Variants in ZC3H4 observed in about 807,000 individuals in gnomAD.
ZC3H4 encodes the protein zinc finger CCCH-type containing 4, also known as zinc finger CCCH domain-containing protein 4.
A neutral mutation model predicts 108.3 loss-of-function variants in ZC3H4; 13 were observed. The observed-to-expected ratio is 0.12, with a 90% CI of 0.08 to 0.19. The LOEUF is 0.19. ZC3H4 is among the 10% of genes least tolerant of loss of function. The pLI is 1.00. For missense variants in ZC3H4, 1,734 were observed against 1,838.8 expected (o/e 0.94, Z 1.04); for synonymous variants, 917 against 749.6 (o/e 1.22, Z -3.65).
At chr19:47,107,037 G>A (rs1233585643) in intron 2 of ZC3H4, among the ~76,000 whole-genome samples, 1 of 152,136 alleles carries the variant, frequency 6.6e-6, no homozygotes, top group Non-Finnish European at 1.5e-5. Flanking sequence ...TGCAAAAGAT[G>A]AACACAGGAG....
chr19:47,111,283 C>G (rs1431133395), intron 2 of ZC3H4, among the ~76,000 whole-genome samples: 1 of 152,218 alleles, frequency 6.6e-6, no homozygotes, highest in Non-Finnish European at 1.5e-5. Flanking sequence ...GGGAAGGAAA[C>G]GGGGCCCCAA....
intron 6 of ZC3H4, 101 bp from the exon 7 acceptor site, chr19:47,085,515 A>G: frequency 1.8e-6 from 2 of 1,083,208 alleles, no homozygotes; most frequent in South Asian, 1.6e-5. Context: ...GTGACCATCC[A>G]GGGGACTCAT....
intron 14 of ZC3H4, among the ~76,000 whole-genome samples, chr19:47,068,683 T>C (rs2057265962): frequency 6.6e-6 from 1 of 152,186 alleles, no homozygotes; most frequent in African/African-American, 2.4e-5. Flanking sequence ...TGAGACTCGG[T>C]GGCTCGTGAC....
chr19:47,110,399 T>C (rs2058022798), intron 2 of ZC3H4, among the ~76,000 whole-genome samples: 1 of 152,184 alleles, frequency 6.6e-6, no homozygotes, highest in African/African-American at 2.4e-5. Context: ...TTTACATCGA[T>C]TTTTGTCATG....
At chr19:47,068,992 T>C (rs906346431) in intron 14 of ZC3H4, 100 bp downstream of exon 14, 4 of 1,571,332 alleles carry the variant, frequency 2.5e-6, no homozygotes, top group Admixed American at 3.5e-5. Context: ...AGCCATGGGC[T>C]CCTTCCTGAC....
At chr19:47,089,121 G>A (rs2057684681) in intron 5 of ZC3H4, among the ~76,000 whole-genome samples, 1 of 146,932 alleles carries the variant, frequency 6.8e-6, no homozygotes, top group South Asian at 2.2e-4. Flanking sequence ...CAGAAGAATT[G>A]CTTGAACCCG....
intron 2 of ZC3H4, among the ~76,000 whole-genome samples, chr19:47,104,454 G>GC (rs1284674228): frequency 6.6e-6 from 1 of 152,162 alleles, no homozygotes; most frequent in Non-Finnish European, 1.5e-5. Context: ...CCAGCACAGG[G>GC]CCAGGTACAG....
chr19:47,073,803 G>A (rs982621978), intron 11 of ZC3H4, among the ~76,000 whole-genome samples: 2 of 152,202 alleles, frequency 1.3e-5, no homozygotes, highest in Non-Finnish European at 2.9e-5. Context: ...AGACTCATGC[G>A]CTGTGTGCGA....
At chr19:47,110,355 G>C in intron 2 of ZC3H4, among the ~76,000 whole-genome samples, 1 of 152,184 alleles carries the variant, frequency 6.6e-6, no homozygotes. Flanking sequence ...GAAATGGAAA[G>C]AAGGATGCCA....
At chr19:47,107,077 T>G (rs1369168821) in intron 2 of ZC3H4, among the ~76,000 whole-genome samples, 1 of 152,176 alleles carries the variant, frequency 6.6e-6, no homozygotes, top group Admixed American at 6.5e-5. Context: ...CCAGACAGTA[T>G]GACCATTTGA....
At chr19:47,079,546 G>C (rs542718204) in intron 11 of ZC3H4, among the ~76,000 whole-genome samples, 9 of 151,242 alleles carry the variant, frequency 6.0e-5, no homozygotes, top group African/African-American at 2.2e-4. Context: ...CGTGAGGCCT[G>C]ACTGGCCACT....
chr19:47,103,231 C>T (rs2057925391), intron 2 of ZC3H4, among the ~76,000 whole-genome samples: 1 of 152,122 alleles, frequency 6.6e-6, no homozygotes, highest in Non-Finnish European at 1.5e-5. Flanking sequence ...ATCAGAGGAC[C>T]GATTTCTATC....
chr19:47,110,662 AC>A (rs900646776), intron 2 of ZC3H4, among the ~76,000 whole-genome samples: 1 of 151,928 alleles, frequency 6.6e-6, no homozygotes, highest in East Asian at 1.9e-4. Flanking sequence ...TGTAAGACAT[AC>A]ACTTCTGACA....
intron 13 of ZC3H4, among the ~76,000 whole-genome samples, 188 bp downstream of exon 13, chr19:47,071,584 TACACAG>T: frequency 6.6e-6 from 1 of 152,242 alleles, no homozygotes; most frequent in African/African-American, 2.4e-5. Context: ...ATATTGGTAA[TACACAG>T]AATACTCCTT....
At position 47,066,927 on chromosome 19, in the gene ZC3H4, G is replaced by A. The variant is rs948175941; in HGVS notation, c.3341C>T (p.Ser1114Phe). 6.3e-7 allele frequency: 1 copy of A among 1,596,650 alleles called. No homozygotes were observed. Among genetic ancestry groups the A allele is most frequent in the Non-Finnish European group, 8.5e-7 (1 of 1,174,964 alleles). The part of the protein sequence containing the change: ...SPTASPSGDA[S>F]PPATAPYDPR... ...GTCGTAGGGAGCGGTGGCTGGTGGG[G>A]AGGCATCCCCACTCGGGCTGGCGGT... The change falls in exon 15 of 15, where the codon TCC (serine) becomes TTC (phenylalanine). Residue 1114 changes from serine to phenylalanine, a missense_variant. Around this residue, in one of 9 missense-constraint regions of ZC3H4, gnomAD observed 518 missense variants for 499.6 expected, o/e 1.04. Transcript: ENST00000253048.
At chr19:47,075,615 C>CACACAT (rs2057405856) in intron 11 of ZC3H4, among the ~76,000 whole-genome samples, 1 of 152,074 alleles carries the variant, frequency 6.6e-6, no homozygotes, top group Admixed American at 6.5e-5. Flanking sequence ...TGTGCGCACA[C>CACACAT]ACACATACAC....
chr19:47,112,428 C>T lies in ZC3H4; in HGVS notation c.157G>A (p.Asp53Asn). 13 of 1,235,074 alleles carry T rather than the reference C, an allele frequency of 1.1e-5. No homozygotes were observed. Among genetic ancestry groups the T allele is most frequent in the Non-Finnish European group, 1.3e-5 (13 of 987,534 alleles). The allele number at this position is 1,235,074 out of a possible 1,614,324, so 76.5% of individuals were successfully genotyped here. A position where few individuals can be genotyped will look rare whatever the true frequency, so the allele number is the denominator to read the frequency against. Residue 53 changes from aspartate to asparagine, a missense_variant, in exon 2 of 15, where the codon GAC (aspartate) becomes AAC (asparagine). Around this residue, in one of 9 missense-constraint regions of ZC3H4, gnomAD observed 112 missense variants for 73.3 expected, o/e 1.53. Transcript: ENST00000253048. ...CGGCCCAACCGGGGGCCTGACCTGT[C>T]GTCAGGGAGCGGGAGGCGGTGGTGG... ...LLHHRLPLPD[D>N]REDGELEEGE...
In ZC3H4 at chr19:47,086,421, G is replaced by A. The variant is rs774625378; in HGVS notation, c.833C>T (p.Pro278Leu). The change falls in exon 6 of 15, where the codon CCG (proline) becomes CTG (leucine). Residue 278 changes from proline (P) to leucine (L), a missense_variant. Pro to Leu is a moderately conservative substitution (Grantham distance 98). Around this residue, in one of 9 missense-constraint regions of ZC3H4, gnomAD observed 403 missense variants for 457.0 expected, o/e 0.88. Coordinates refer to ENST00000253048, the MANE Select transcript of ZC3H4 (RefSeq NM_015168.2). ...CTCGTAGAAATCCTCTTCATCCTCCGGGTGGTCTCCTCCCATAGAGCCTCT... is the reference window on the plus strand; with the variant it reads ...CTCGTAGAAATCCTCTTCATCCTCCAGGTGGTCTCCTCCCATAGAGCCTCT... ...RGRGSMGGDH[P>L]EDEEDFYEEE... 51 of 1,613,216 alleles carry A rather than the reference G, an allele frequency of 3.2e-5. 1 individual carries two copies. In the Middle Eastern group the frequency reaches 2.8e-3, roughly 88 times the overall value.
At position 47,094,042 on chromosome 19, in the gene ZC3H4, T is replaced by C; in HGVS notation, c.420A>G (p.Ser140=). Residue 140 remains serine (S), a synonymous_variant, in exon 4 of 15, where the codon TCA becomes TCG. Coordinates refer to ENST00000253048, the MANE Select transcript of ZC3H4 (RefSeq NM_015168.2). ...CACTGGGGCTGAAATCCGAGTCATC[T>C]GAGAAGTCAGAGAAGTCATCGCTAG... is the stretch of plus-strand genomic sequence containing the variant. The part of the protein sequence containing the change: ...ASSSDDFSDF[S]DDSDFSPSEK... 6.2e-7 allele frequency: 1 copy of C among 1,614,198 alleles called. No homozygotes were observed. The highest frequency in any genetic ancestry group is 1.3e-5 in the African/African-American group (1 of 75,064).
Sources: allele counts gnomAD v4.1 joint callset (sites outside exome capture counted in the v4.1 genomes callset), GRCh38; gene constraint gnomAD v4.1.1; regional missense constraint gnomAD v4.1.1; transcripts MANE v1.5; gene names NCBI Gene and HGNC (gene_info 2026-07-23, HGNC 2026-07-21).